GNS: variants seen among roughly 807,000 people sequenced by gnomAD.
The protein encoded by GNS is glucosamine (N-acetyl)-6-sulfatase, also known as N-acetylglucosamine-6-sulfatase.
GNS carries 40 observed loss-of-function variants against 69.7 expected under a neutral mutation model. The ratio of observed to expected loss-of-function variants is 0.57; its 90% CI spans 0.45 to 0.75. The LOEUF (loss-of-function observed/expected upper bound fraction) is 0.75. Ranked by LOEUF, GNS falls within the 30% of genes least tolerant of loss-of-function variation. The pLI is 0.00. For missense variants in GNS, 565 were observed against 685.5 expected (o/e 0.82, Z 1.96); for synonymous variants, 243 against 251.6 (o/e 0.97, Z 0.32).
intron 10 of GNS, among the ~76,000 whole-genome samples, chr12:64,723,881 T>C (rs931643194): frequency 6.6e-6 from 1 of 152,170 alleles, no homozygotes; most frequent in Non-Finnish European, 1.5e-5. Flanking sequence ...CTGAACATCA[T>C]GCTGCCCAGG....
Position 64,714,234 on chromosome 12 carries a change from AAGGCAAACT to A in GNS, c.*2498_*2506del, listed in dbSNP as rs1278429415. ...AGAGCTTTGTAACAGGAAATTGTAT[AAGGCAAACT>A]CTCTATTCATTCCTAAGGCCTCTGT... On this transcript the variant is annotated 3_prime_UTR_variant, in exon 14 of 14. Coordinates refer to ENST00000258145, the MANE Select transcript of GNS (RefSeq NM_002076.4). 1 of 152,218 alleles carries A rather than the reference AAGGCAAACT, an allele frequency of 6.6e-6. No individual in the cohort carries two copies. The highest frequency in any genetic ancestry group is 1.5e-5 in the Non-Finnish European group (1 of 68,046). 9.4% of individuals were successfully genotyped at this position (152,218 alleles called of 1,614,324 possible). A position where few individuals can be genotyped will look rare whatever the true frequency, so the allele number is the denominator to read the frequency against.
chr12:64,722,958 A>G, intron 11 of GNS, 48 bp downstream of exon 11: 1 of 1,095,724 alleles, frequency 9.1e-7, no homozygotes, highest in Non-Finnish European at 1.4e-6. Context: ...GCACCTTGCC[A>G]TGTTGTCAGT....
At chr12:64,757,998 G>T (rs978557287) in intron 1 of GNS, among the ~76,000 whole-genome samples, 3 of 152,176 alleles carry the variant, frequency 2.0e-5, no homozygotes, top group African/African-American at 7.2e-5. Context: ...CTGAACCCAG[G>T]GTCAGAGGAC....
chr12:64,717,555 G>T (rs552225675), intron 13 of GNS, among the ~76,000 whole-genome samples: 2 of 140,928 alleles, frequency 1.4e-5, no homozygotes, highest in Admixed American at 7.4e-5. Context: ...AGAGACAAGA[G>T]TTTCACCATG....
In GNS at chr12:64,743,302, C is replaced by T; in HGVS notation, c.631G>A (p.Val211Ile). 1 of 1,610,238 alleles carries T rather than the reference C, an allele frequency of 6.2e-7. No individual in the cohort carries two copies. The highest frequency in any genetic ancestry group is 1.1e-5 in the South Asian group (1 of 91,004). ...VDYLTDVLAN[V>I]SLDFLDYKSN... Reference sequence around the variant, plus strand: ...TTGTAGTCCAGAAAGTCCAAGGAGACATTAGCCTGACACATAAAAAGATTT... The same window carrying T: ...TTGTAGTCCAGAAAGTCCAAGGAGATATTAGCCTGACACATAAAAAGATTT... The change falls in exon 6 of 14, where the codon GTC becomes ATC. Residue 211 changes from valine to isoleucine, a missense_variant. Physicochemically the swap from Val to Ile is conservative, Grantham distance 29 (BLOSUM62 3). Coordinates refer to ENST00000258145, the MANE Select transcript of GNS (RefSeq NM_002076.4).
chr12:64,729,830 G>A (rs2136240913), intron 9 of GNS, among the ~76,000 whole-genome samples: 1 of 152,136 alleles, frequency 6.6e-6, no homozygotes, highest in South Asian at 2.1e-4. Context: ...AATAAAAACA[G>A]GTAAAACTGT....
chr12:64,729,540 A>C (rs1312479577), intron 9 of GNS, among the ~76,000 whole-genome samples: 2 of 152,224 alleles, frequency 1.3e-5, no homozygotes, highest in Non-Finnish European at 2.9e-5. Flanking sequence ...CAAAGGGACA[A>C]CACTGCCAAA....
intron 11 of GNS, among the ~76,000 whole-genome samples, chr12:64,722,029 T>G (rs567252149): frequency 7.0e-6 from 1 of 143,478 alleles, no homozygotes; most frequent in South Asian, 2.2e-4. Context: ...GACTCCTTTC[T>G]TTTTTTTTTT....
At chr12:64,750,204 G>A (rs181343325) in intron 2 of GNS, among the ~76,000 whole-genome samples, 290 of 151,960 alleles carry the variant, frequency 1.9e-3, no homozygotes, top group Non-Finnish European at 3.5e-3. Context: ...TCGCCACCAC[G>A]CCCGGCTAAT....
At chr12:64,722,710 AT>A (rs1249108001) in intron 11 of GNS, 1 of 378,258 alleles carries the variant, frequency 2.6e-6, no homozygotes, top group African/African-American at 2.1e-5. Context: ...TTAAAAAAAA[AT>A]GGTACTGTTA....
At chr12:64,735,556 T>C (rs963737280) in intron 9 of GNS, among the ~76,000 whole-genome samples, 1 of 152,214 alleles carries the variant, frequency 6.6e-6, no homozygotes, top group Non-Finnish European at 1.5e-5. Context: ...TAGATGGCAA[T>C]GTTAACTTAA....
intron 1 of GNS, among the ~76,000 whole-genome samples, chr12:64,753,973 T>C (rs997283723): frequency 6.6e-6 from 1 of 152,166 alleles, no homozygotes; most frequent in Non-Finnish European, 1.5e-5. Context: ...TGAGTTACTG[T>C]GAGGACATTT....
At chr12:64,720,935 T>A (rs1450670341) in intron 12 of GNS, among the ~76,000 whole-genome samples, 1 of 152,224 alleles carries the variant, frequency 6.6e-6, no homozygotes, top group Non-Finnish European at 1.5e-5. Context: ...GAACTGAGTT[T>A]GAGGAAAGCT....
chr12:64,748,434 C>G (rs528384885), intron 2 of GNS, among the ~76,000 whole-genome samples: 1 of 151,422 alleles, frequency 6.6e-6, no homozygotes, highest in Non-Finnish European at 1.5e-5. Flanking sequence ...GCCTCAAATT[C>G]CTGGATTCAA....
rs777694055 is a variant in GNS, at chr12:64,721,659, T to C, written c.1355A>G (p.Tyr452Cys). ...CVCEDAYNNT[Y>C]ACVRTMSALW... ...TGCTGACATTGTCCTCACACAGGCA[T>C]AGGTATTGTTATAAGCATCTTCACA... The change falls in exon 12 of 14, where the codon TAT becomes TGT. Residue 452 changes from tyrosine (Y) to cysteine (C), a missense_variant. Physicochemically the swap from Tyr to Cys is radical, Grantham distance 194 (BLOSUM62 -2). Around this residue, in one of 2 missense-constraint regions of GNS, gnomAD observed 384 missense variants for 511.0 expected, o/e 0.75. Coordinates refer to ENST00000258145, the MANE Select transcript of GNS (RefSeq NM_002076.4). 9 of 1,598,280 alleles carry C rather than the reference T, an allele frequency of 5.6e-6. No individual in the cohort carries two copies. The East Asian group carries it at 6.7e-5, about 12-fold the overall frequency.
intron 10 of GNS, among the ~76,000 whole-genome samples, chr12:64,726,186 G>A (rs1256621264): frequency 1.3e-5 from 2 of 151,864 alleles, no homozygotes; most frequent in East Asian, 1.9e-4. Flanking sequence ...TGGAAGACAC[G>A]GGCTAGGATC....
At chr12:64,752,641 C>T (rs1870114605) in intron 2 of GNS, 57 bp downstream of exon 2, 2 of 877,148 alleles carry the variant, frequency 2.3e-6, no homozygotes, top group Non-Finnish European at 3.9e-6. Flanking sequence ...AAGAGAGTAT[C>T]TTCTTAGAAT....
At position 64,745,989 on chromosome 12, in the gene GNS, T is replaced by C. The variant is rs1233149659; in HGVS notation, c.460-265A>G. The stretch of plus-strand genomic sequence containing the variant: ...CTAAGAATTTAACAATTTTAAAATA[T>C]AAAAGTTAATCAAAATAAGAATATT... On this transcript the variant is annotated intron_variant, in intron 3 of 13. Transcript: ENST00000258145. 3.1e-5 allele frequency: 16 copies of C among 515,684 alleles called. No homozygotes were observed. In the East Asian group the frequency reaches 4.5e-4, roughly 15 times the overall value. The allele number at this position is 515,684 out of a possible 1,614,324, so 31.9% of individuals were successfully genotyped here.
intron 6 of GNS, among the ~76,000 whole-genome samples, chr12:64,741,261 C>CT (rs1243589060): frequency 1.3e-5 from 2 of 151,196 alleles, no homozygotes; most frequent in Non-Finnish European, 3.0e-5. Context: ...CTCTAAGTTG[C>CT]TTTTTTTGAG....
Sources: allele counts gnomAD v4.1 joint callset (sites outside exome capture counted in the v4.1 genomes callset), GRCh38; gene constraint gnomAD v4.1.1; regional missense constraint gnomAD v4.1.1; transcripts MANE v1.5; gene names NCBI Gene and HGNC (gene_info 2026-07-23, HGNC 2026-07-21).